PLPPR4: variants seen among roughly 807,000 people sequenced by gnomAD.
PLPPR4 encodes phospholipid phosphatase related 4, also known as phospholipid phosphatase-related protein type 4.
In PLPPR4, 24 loss-of-function variants were observed where a neutral mutation model predicts 56.6. The observed-to-expected ratio is 0.42, with a 90% CI of 0.31 to 0.60. The LOEUF is 0.60. Ranked by LOEUF, PLPPR4 falls within the 20% of genes least tolerant of loss-of-function variation. The probability of loss-of-function intolerance (pLI) is 0.13; values close to 1 mark genes in which losing one functional copy is unlikely to be tolerated. For synonymous variants in PLPPR4, 326 were observed against 328.1 expected, an observed-to-expected ratio of 0.99 and a Z score of 0.07; for missense variants, 654 against 885.8, an observed-to-expected ratio of 0.74 and a Z score of 3.32.
Position 99,264,772 on chromosome 1 carries a change from C to A in PLPPR4, c.78+101C>A, listed in dbSNP as rs145023765. The A allele has an allele frequency of 2.3e-3, 3,067 of 1,315,380 alleles. 4 individuals carry two copies. The highest frequency in any genetic ancestry group is 3.0e-3 in the Non-Finnish European group (2,862 of 940,994). 81.5% of individuals were successfully genotyped at this position (1,315,380 alleles called of 1,614,324 possible). A position where few individuals can be genotyped will look rare whatever the true frequency, so the allele number is the denominator to read the frequency against. ...TTGGAGGCGCAGAGATCCTGCCGGG[C>A]GCGCGCGGCTGTCCCCAAATGCCCG... On this transcript the variant is annotated intron_variant, in intron 1 of 6. Transcript: ENST00000370185.
At chr1:99,290,510 G>T (rs1473569933) in intron 2 of PLPPR4, among the ~76,000 whole-genome samples, 1 of 152,018 alleles carries the variant, frequency 6.6e-6, no homozygotes, top group Non-Finnish European at 1.5e-5. Flanking sequence ...AAAGAACAAA[G>T]CTGGAGGCAT....
intron 1 of PLPPR4, among the ~76,000 whole-genome samples, chr1:99,271,921 T>TGC (rs1659068098): frequency 7.8e-6 from 1 of 128,512 alleles, no homozygotes; most frequent in African/African-American, 3.0e-5. Context: ...TGTGTGTGTG[T>TGC]GTGTGTGTGT....
In PLPPR4 at chr1:99,306,669, G is replaced by A. The variant is rs1157655927; in HGVS notation, c.1807G>A (p.Ala603Thr). The A allele has an allele frequency of 1.2e-6, 2 of 1,614,096 alleles. No individual in the cohort carries two copies. The highest frequency in any genetic ancestry group is 1.7e-6 in the Non-Finnish European group (2 of 1,180,018). The part of the protein sequence containing the change: ...GEGSGSWKWK[A>T]PEKGSLRQTY... ...AGGCAGTGGCTCCTGGAAGTGGAAA[G>A]CCCCTGAAAAGGGCAGCCTTCGCCA... The change falls in exon 7 of 7, where the codon GCC becomes ACC. Residue 603 changes from alanine (A) to threonine (T), a missense_variant. Ala to Thr is a moderately conservative substitution (Grantham distance 58). Transcript: ENST00000370185. The surrounding 1 kb of genome is among the most constrained non-coding windows in gnomAD (Gnocchi z 4.0).
intron 1 of PLPPR4, among the ~76,000 whole-genome samples, chr1:99,270,374 G>T (rs563848801): frequency 6.6e-6 from 1 of 152,264 alleles, no homozygotes; most frequent in South Asian, 2.1e-4. Context: ...CAGTAGATAC[G>T]TTGCAGGATT....
chr1:99,296,849 C>T lies in PLPPR4; in HGVS notation c.376C>T (p.Arg126Ter). 3 of 1,583,138 alleles carry T rather than the reference C, an allele frequency of 1.9e-6. No individual in the cohort carries two copies. Among genetic ancestry groups the T allele is most frequent in the Non-Finnish European group, 2.6e-6 (3 of 1,159,940 alleles). Residue 126 changes from arginine (R) to a stop codon, truncating the protein, a stop_gained, in exon 3 of 7, where the codon CGA (arginine) becomes TGA (stop). Coordinates refer to ENST00000370185, the MANE Select transcript of PLPPR4 (RefSeq NM_014839.5). LOFTEE classifies it high-confidence loss of function. ...GGCNFNSFLR[R>*]AVRFVGVHVF... ...CTGCAACTTCAATTCCTTCCTCAGA[C>T]GAGCTGTCAGATTCGTTGGTGGGTG...
intron 1 of PLPPR4, among the ~76,000 whole-genome samples, chr1:99,285,346 G>T (rs866124208): frequency 2.0e-5 from 3 of 152,062 alleles, no homozygotes; most frequent in African/African-American, 7.2e-5. Flanking sequence ...TGAAGTATTT[G>T]TTAAATTAAT....
At chr1:99,274,893 T>C (rs1659143304) in intron 1 of PLPPR4, among the ~76,000 whole-genome samples, 1 of 152,174 alleles carries the variant, frequency 6.6e-6, no homozygotes, top group Admixed American at 6.6e-5. Context: ...TATCTTCCCA[T>C]GCCTCAACTG....
At chr1:99,282,098 T>A (rs2100793298) in intron 1 of PLPPR4, among the ~76,000 whole-genome samples, 1 of 152,302 alleles carries the variant, frequency 6.6e-6, no homozygotes, top group East Asian at 1.9e-4. Flanking sequence ...ATTGACCTCT[T>A]ACTTTAGTAA....
chr1:99,300,966 G>C lies in PLPPR4; in HGVS notation c.648G>C (p.Ser216=). Residue 216 remains serine (S), a splice_region_variant and synonymous_variant, in exon 5 of 7, where the codon TCG becomes TCC. Transcript: ENST00000370185. ...CTGCCTTTGCAGCTGTGTATGTTTC[G>C]GTAAGTAACTGGTTCTTTTTTGTTA... ...TLAAFAAVYV[S]MYFNSTLTDS... 1 of 1,611,408 alleles carries C rather than the reference G, an allele frequency of 6.2e-7. No individual in the cohort carries two copies. Among genetic ancestry groups the C allele is most frequent in the South Asian group, 1.1e-5 (1 of 90,942 alleles).
chr1:99,268,281 AG>A (rs1658958716), intron 1 of PLPPR4, among the ~76,000 whole-genome samples: 1 of 152,216 alleles, frequency 6.6e-6, no homozygotes, highest in African/African-American at 2.4e-5. Context: ...CCAAGCACAA[AG>A]AGTTGGAGGA....
At chr1:99,283,328 T>C (rs938491530) in intron 1 of PLPPR4, among the ~76,000 whole-genome samples, 4 of 152,158 alleles carry the variant, frequency 2.6e-5, no homozygotes, top group African/African-American at 7.2e-5. Context: ...CAGTGAAAAG[T>C]AGTTTGTCTT....
At chr1:99,280,218 A>G (rs1461429146) in intron 1 of PLPPR4, among the ~76,000 whole-genome samples, 3 of 152,184 alleles carry the variant, frequency 2.0e-5, no homozygotes, top group Non-Finnish European at 4.4e-5. Flanking sequence ...ACACCTGGGT[A>G]GGAGTCTGGG....
chr1:99,279,487 A>T (rs912089843), intron 1 of PLPPR4, among the ~76,000 whole-genome samples: 1 of 152,232 alleles, frequency 6.6e-6, no homozygotes, highest in East Asian at 1.9e-4. Context: ...TGCACAAGGA[A>T]TAACGTTCAG....
intron 1 of PLPPR4, among the ~76,000 whole-genome samples, chr1:99,284,294 G>A (rs971951289): frequency 1.3e-5 from 2 of 152,068 alleles, no homozygotes; most frequent in Non-Finnish European, 2.9e-5. Context: ...ACATTGGGTA[G>A]TAAACTACAG....
At chr1:99,292,387 G>A (rs939027673) in intron 2 of PLPPR4, among the ~76,000 whole-genome samples, 5 of 152,082 alleles carry the variant, frequency 3.3e-5, no homozygotes, top group African/African-American at 1.2e-4. Context: ...TGAGAGATTT[G>A]GCATTAAAAC....
intron 1 of PLPPR4, among the ~76,000 whole-genome samples, chr1:99,270,396 G>A (rs1159281204): frequency 6.6e-6 from 1 of 152,202 alleles, no homozygotes; most frequent in Non-Finnish European, 1.5e-5. Context: ...TGTTAATGGA[G>A]CTTAATTACT....
At chr1:99,271,567 A>G (rs1659060282) in intron 1 of PLPPR4, among the ~76,000 whole-genome samples, 1 of 152,154 alleles carries the variant, frequency 6.6e-6, no homozygotes, top group Non-Finnish European at 1.5e-5. Context: ...CTCTACATTC[A>G]GCTACTAAAC....
chr1:99,301,320 T>C (rs1372666170), intron 5 of PLPPR4, among the ~76,000 whole-genome samples: 1 of 150,612 alleles, frequency 6.6e-6, no homozygotes, highest in Admixed American at 6.6e-5. Context: ...CACACACACG[T>C]ACGCTACTTT....
intron 2 of PLPPR4, among the ~76,000 whole-genome samples, chr1:99,290,253 G>T (rs1293214995): frequency 2.0e-5 from 3 of 151,966 alleles, no homozygotes; most frequent in Admixed American, 6.6e-5. Flanking sequence ...AAAGAGCTCT[G>T]CAAGGAGAAC....
Sources: gnomAD v4.1 joint callset for allele counts (sites outside exome capture counted in the v4.1 genomes callset) on GRCh38, gnomAD v4.1.1 for gene constraint, Gnocchi (gnomAD v3.1) non-coding constraint, MANE v1.5 for transcripts, NCBI Gene and HGNC (gene_info 2026-07-23, HGNC 2026-07-21) for gene names.